KIAA1217: variants seen among roughly 807,000 people sequenced by gnomAD.
KIAA1217 encodes KIAA1217, also known as sickle tail protein homolog.
A neutral mutation model predicts 163.9 loss-of-function variants in KIAA1217; 88 were observed. The ratio of observed to expected loss-of-function variants is 0.54; its 90% CI spans 0.45 to 0.64. KIAA1217 has a LOEUF of 0.64. Ranked by LOEUF, KIAA1217 falls within the 30% of genes least tolerant of loss-of-function variation. KIAA1217 has a pLI of 0.00. For missense variants in KIAA1217, 2,372 were observed against 2,475.0 expected (o/e 0.96, Z 0.88); for synonymous variants, 903 against 923.1 (o/e 0.98, Z 0.39).
Position 23,895,614 on chromosome 10 carries a change from C to T in KIAA1217, c.-320-111611C>T, listed in dbSNP as rs1229386756. On this transcript the variant is annotated intron_variant, in intron 1 of 18. Coordinates refer to the KIAA1217 transcript ENST00000376462. Reference sequence around the variant, plus strand: ...CCTCAGAGATCTAGAACTAGAAATACCATTTGACCCAGCCATCCTATTACT... The same window carrying T: ...CCTCAGAGATCTAGAACTAGAAATATCATTTGACCCAGCCATCCTATTACT... Among the ~76,000 whole-genome samples, 3 of 152,046 alleles carry T rather than the reference C, an allele frequency of 2.0e-5. 1 individual carries two copies. In the East Asian group the frequency reaches 5.8e-4, roughly 29 times the overall value.
At chr10:24,006,658 A>G (rs1210578414) in intron 1 of KIAA1217, among the ~76,000 whole-genome samples, 2 of 151,928 alleles carry the variant, frequency 1.3e-5, no homozygotes, top group African/African-American at 4.8e-5. Context: ...TTAGACAGAA[A>G]CCTTTATGTT....
chr10:24,183,130 T>G (rs1233223097), intron 2 of KIAA1217, among the ~76,000 whole-genome samples: 1 of 152,222 alleles, frequency 6.6e-6, no homozygotes, highest in Non-Finnish European at 1.5e-5. Context: ...CACACATGTC[T>G]GCTTCACCTT....
chr10:23,906,297 C>T (rs941676057), intron 1 of KIAA1217, among the ~76,000 whole-genome samples: 15 of 152,032 alleles, frequency 9.9e-5, no homozygotes, highest in African/African-American at 3.1e-4. Context: ...CACACAAACA[C>T]GTACACACCC....
At chr10:23,791,207 G>T (rs1384088887) in intron 1 of KIAA1217, among the ~76,000 whole-genome samples, 1 of 152,062 alleles carries the variant, frequency 6.6e-6, no homozygotes, top group African/African-American at 2.4e-5. Flanking sequence ...CATAATAATT[G>T]CTGAATCTTT....
intron 2 of KIAA1217, among the ~76,000 whole-genome samples, chr10:24,327,286 A>G (rs1327398066): frequency 2.6e-5 from 4 of 152,234 alleles, no homozygotes; most frequent in Non-Finnish European, 4.4e-5. Flanking sequence ...CATCACTATG[A>G]TACCCAGCCC....
intron 11 of KIAA1217, 115 bp from the exon 12 acceptor site, chr10:24,521,667 G>C: frequency 2.4e-6 from 3 of 1,269,852 alleles, no homozygotes; most frequent in Non-Finnish European, 3.3e-6. Context: ...GAAGATGTGT[G>C]AGCCACCCTG....
At chr10:24,447,803 C>T (rs1182284614) in intron 5 of KIAA1217, among the ~76,000 whole-genome samples, 1 of 152,136 alleles carries the variant, frequency 6.6e-6, no homozygotes, top group Non-Finnish European at 1.5e-5. Context: ...AGAATGTCTG[C>T]CTTTCCTCAG....
intron 1 of KIAA1217, among the ~76,000 whole-genome samples, chr10:23,957,178 C>T (rs180707028): frequency 2.0e-4 from 31 of 152,252 alleles, no homozygotes; most frequent in Non-Finnish European, 1.9e-4. Flanking sequence ...ATCCACCTCA[C>T]GCTTTCCAGA....
At chr10:24,041,930 TG>T (rs1255618050) in intron 2 of KIAA1217, among the ~76,000 whole-genome samples, 2 of 151,182 alleles carry the variant, frequency 1.3e-5, no homozygotes, top group East Asian at 1.9e-4. Flanking sequence ...AGTCTGTGCA[TG>T]CAAGGGAGTA....
intron 1 of KIAA1217, among the ~76,000 whole-genome samples, chr10:23,855,284 G>C (rs1839592175): frequency 6.6e-6 from 1 of 152,126 alleles, no homozygotes; most frequent in African/African-American, 2.4e-5. Flanking sequence ...AGCTTAGTTT[G>C]GGTGGATATG....
chr10:23,930,170 G>C (rs1044011825), intron 1 of KIAA1217, among the ~76,000 whole-genome samples: 1 of 151,192 alleles, frequency 6.6e-6, no homozygotes, highest in Non-Finnish European at 1.5e-5. Context: ...TATCTTTCTC[G>C]GTCACTAGTT....
At chr10:24,160,489 G>A (rs146131567) in intron 2 of KIAA1217, among the ~76,000 whole-genome samples, 1 of 151,244 alleles carries the variant, frequency 6.6e-6, no homozygotes, top group Non-Finnish European at 1.5e-5. Flanking sequence ...CTATATGAAT[G>A]GTATTTTTTT....
intron 1 of KIAA1217, among the ~76,000 whole-genome samples, chr10:23,834,159 C>T (rs975476595): frequency 1.3e-5 from 2 of 152,046 alleles, no homozygotes; most frequent in African/African-American, 2.4e-5. Context: ...GAAAATCTTG[C>T]TTTTTATTTT....
chr10:23,918,018 A>AT (rs145898839), intron 1 of KIAA1217, among the ~76,000 whole-genome samples: 6,136 of 149,978 alleles, frequency 0.041, 413 homozygotes, highest in African/African-American at 0.14. Context: ...TTATCCCACA[A>AT]TTTTTTTTTT....
chr10:24,380,614 C>CAATA (rs56384961), intron 2 of KIAA1217, among the ~76,000 whole-genome samples: 20,197 of 145,430 alleles, frequency 0.14, 1,723 homozygotes, highest in South Asian at 0.27. Flanking sequence ...TGCACTCTGG[C>CAATA]AATAAATAAA....
intron 2 of KIAA1217, among the ~76,000 whole-genome samples, chr10:24,353,839 A>G (rs919188169): frequency 2.0e-5 from 3 of 152,226 alleles, no homozygotes; most frequent in Admixed American, 6.5e-5. Context: ...CTAGAAGTCA[A>G]TGTTCTGATT....
At chr10:24,369,217 G>GTGTGTGTGTT (rs1246106206) in intron 2 of KIAA1217, among the ~76,000 whole-genome samples, 1 of 150,384 alleles carries the variant, frequency 6.6e-6, no homozygotes, top group African/African-American at 2.5e-5. Context: ...GTGTGTGTGT[G>GTGTGTGTGTT]TTTTCATTTG....
chr10:24,318,031 G>A (rs1308619665), intron 2 of KIAA1217, among the ~76,000 whole-genome samples: 1 of 152,164 alleles, frequency 6.6e-6, no homozygotes, highest in Non-Finnish European at 1.5e-5. Flanking sequence ...AGTTTTCTGG[G>A]TGCAGTGGCT....
At chr10:23,917,451 G>C (rs1427049142) in intron 1 of KIAA1217, among the ~76,000 whole-genome samples, 6 of 152,194 alleles carry the variant, frequency 3.9e-5, no homozygotes. Flanking sequence ...AGGGCCTTGT[G>C]AAAAGAGGGC....
Sources: allele counts gnomAD v4.1 joint callset (sites outside exome capture counted in the v4.1 genomes callset), GRCh38; gene constraint gnomAD v4.1.1; transcripts MANE v1.5; gene names NCBI Gene and HGNC (gene_info 2026-07-23, HGNC 2026-07-21).